The following CELF1 variants were observed in gnomAD, a reference collection of about 807,000 sequenced individuals.
The protein encoded by CELF1 is CUGBP Elav-like family member 1.
Under a neutral mutation model 61.8 loss-of-function variants are expected in CELF1, and 10 were observed. The ratio of observed to expected loss-of-function variants is 0.16; its 90% CI spans 0.10 to 0.27. The LOEUF (loss-of-function observed/expected upper bound fraction) is 0.27. Ranked by LOEUF, CELF1 falls within the 10% of genes least tolerant of loss-of-function variation. The pLI is 1.00. For missense variants in CELF1, 380 were observed against 639.1 expected (o/e 0.59, Z 4.37); for synonymous variants, 236 against 225.1 (o/e 1.05, Z -0.43).
At chr11:47,555,228 G>T (rs900243783), upstream of CELF1, among the ~76,000 whole-genome samples, 1 of 152,132 alleles carries the variant, frequency 6.6e-6, no homozygotes, top group African/African-American at 2.4e-5. Context: ...AGCTAAATAA[G>T]GAAAGGCACC....
chr11:47,531,663 A>G (rs2096481510), intron 1 of CELF1, among the ~76,000 whole-genome samples: 1 of 152,246 alleles, frequency 6.6e-6, no homozygotes, highest in Non-Finnish European at 1.5e-5. Context: ...AAACAATGAC[A>G]AAAGCATTCG....
rs2077316067 is a variant in CELF1, at chr11:47,469,922, A to T, written c.*2308T>A. On this transcript the variant is annotated 3_prime_UTR_variant, in exon 15 of 15. Coordinates refer to ENST00000687097, the MANE Select transcript of CELF1 (RefSeq NM_001376376.1). ...AGAGAAGAAGGGGATGTGGGAAGGGAGTGGCGTTCTGGCTAAGGAGGAAGA... is the reference window on the plus strand; with the variant it reads ...AGAGAAGAAGGGGATGTGGGAAGGGTGTGGCGTTCTGGCTAAGGAGGAAGA... 6.6e-6 allele frequency: 1 copy of T among 152,324 alleles called. No individual in the cohort carries two copies. The highest frequency in any genetic ancestry group is 1.5e-5 in the Non-Finnish European group (1 of 68,144). The allele number at this position is 152,324 out of a possible 1,614,324, so 9.4% of individuals were successfully genotyped here.
rs1491576509 is a variant in CELF1, at chr11:47,481,094, TTC to T, written c.768+1599_768+1600del. On this transcript the variant is annotated intron_variant, in intron 9 of 14. Coordinates refer to ENST00000687097, the MANE Select transcript of CELF1 (RefSeq NM_001376376.1). The stretch of plus-strand genomic sequence containing the variant: ...GGATAAACTGGGGTTTTTTTTTTTT[TTC>T]TTCTTCTTTTTTTTTTTTTTTTTTT... Among the ~76,000 whole-genome samples, 67 of 91,734 alleles carry T rather than the reference TTC, an allele frequency of 7.3e-4. 1 individual carries two copies. The highest frequency in any genetic ancestry group is 3.2e-3 in the East Asian group (11 of 3,438). 60.2% of individuals were successfully genotyped at this position (91,734 alleles called of 152,430 possible).
Position 47,477,378 on chromosome 11 carries a change from C to G in CELF1, c.892G>C (p.Ala298Pro). ...LQNLAALAAAASAAQNTPSGT... is the reference protein window; with the variant it reads ...LQNLAALAAAPSAAQNTPSGT... ...CTTGGTGTGTTCTGAGCTGCACTAG[C>G]TGCAGCAGCTAGTGCAGCCAAATTC... Residue 298 changes from alanine to proline, a missense_variant, in exon 11 of 15, where the codon GCT becomes CCT. Ala to Pro is a conservative substitution (Grantham distance 27). Coordinates refer to ENST00000687097, the MANE Select transcript of CELF1 (RefSeq NM_001376376.1). 4 of 1,612,768 alleles carry G rather than the reference C, an allele frequency of 2.5e-6. No homozygotes were observed. Among genetic ancestry groups the G allele is most frequent in the Non-Finnish European group, 3.4e-6 (4 of 1,178,780 alleles).
At chr11:47,477,486 A>G in intron 10 of CELF1, 61 bp from the exon 11 acceptor site, 1 of 1,576,566 alleles carries the variant, frequency 6.3e-7, no homozygotes, top group Non-Finnish European at 8.7e-7. Context: ...CCATTCCAGC[A>G]ATGACAAGCA....
At chr11:47,481,099 CTTCTTTTTTTTTT>C (rs2082905559) in intron 9 of CELF1, among the ~76,000 whole-genome samples, 2 of 62,318 alleles carry the variant, frequency 3.2e-5, no homozygotes, top group Admixed American at 4.4e-4. Context: ...TTTTTTTCTT[CTTCTTTTTTTTTT>C]TTTTTTTTTT....
intron 4 of CELF1, among the ~76,000 whole-genome samples, chr11:47,488,428 C>T (rs114962404): frequency 8.7e-4 from 132 of 152,334 alleles, no homozygotes; most frequent in African/African-American, 3.2e-3. Flanking sequence ...TCTCCTTCAG[C>T]TTATGCTAGC....
chr11:47,535,907 C>T (rs1294200465), intron 1 of CELF1, among the ~76,000 whole-genome samples: 1 of 151,608 alleles, frequency 6.6e-6, no homozygotes, highest in Non-Finnish European at 1.5e-5. Flanking sequence ...GGATTACAGG[C>T]GTGTGCCACC....
chr11:47,495,299 G>A (rs1483715271), intron 3 of CELF1, among the ~76,000 whole-genome samples: 1 of 152,164 alleles, frequency 6.6e-6, no homozygotes, highest in Non-Finnish European at 1.5e-5. Flanking sequence ...AGGCCACATA[G>A]TATATGTTAC....
intron 1 of CELF1, 138 bp from the exon 2 acceptor site, chr11:47,501,070 C>G (rs1437326227): frequency 2.5e-6 from 1 of 395,390 alleles, no homozygotes; most frequent in East Asian, 3.6e-5. Flanking sequence ...TGCACCTGAC[C>G]CAGGAAGGTG....
intron 3 of CELF1, among the ~76,000 whole-genome samples, chr11:47,498,522 T>C (rs1182782097): frequency 6.6e-6 from 1 of 152,236 alleles, no homozygotes; most frequent in East Asian, 1.9e-4. Flanking sequence ...TAGACTGATT[T>C]GCACATGGAG....
intron 1 of CELF1, among the ~76,000 whole-genome samples, chr11:47,502,628 C>T (rs1219774434): frequency 3.3e-5 from 5 of 151,938 alleles, no homozygotes; most frequent in African/African-American, 4.8e-5. Context: ...GTCAGGAGAT[C>T]GAGACCATCC....
chr11:47,489,955 T>TTTTTTTTTTTTTTTTTTTTTG (rs71042675), intron 3 of CELF1, among the ~76,000 whole-genome samples: 1 of 141,374 alleles, frequency 7.1e-6, no homozygotes. Context: ...TTTTTTTTTT[T>TTTTTTTTTTTTTTTTTTTTTG]GAGACGGAAT....
At position 47,477,396 on chromosome 11, in the gene CELF1, C is replaced by T; in HGVS notation, c.874G>A (p.Ala292Thr). ...GLNAMQLQNL[A>T]ALAAAASAAQ... is the part of the protein sequence containing the mutation. ...GCACTAGCTGCAGCAGCTAGTGCAGCCAAATTCTGTAACTGCATTGCATTC... is the reference window on the plus strand; with the variant it reads ...GCACTAGCTGCAGCAGCTAGTGCAGTCAAATTCTGTAACTGCATTGCATTC... Residue 292 changes from alanine (A) to threonine (T), a missense_variant, in exon 11 of 15, where the codon GCT becomes ACT. By Grantham distance (58) the Ala-to-Thr change is moderately conservative. Transcript: ENST00000687097. 1 of 1,612,118 alleles carries T rather than the reference C, an allele frequency of 6.2e-7. No individual in the cohort carries two copies. Among genetic ancestry groups the T allele is most frequent in the Non-Finnish European group, 8.5e-7 (1 of 1,178,744 alleles).
chr11:47,510,363 G>T (rs1294559950), intron 1 of CELF1, among the ~76,000 whole-genome samples: 2 of 152,178 alleles, frequency 1.3e-5, no homozygotes, highest in Non-Finnish European at 2.9e-5. Flanking sequence ...CACTGACTCA[G>T]TCACCATCAG....
intron 1 of CELF1, among the ~76,000 whole-genome samples, chr11:47,549,131 A>G (rs936844725): frequency 6.6e-6 from 1 of 152,214 alleles, no homozygotes; most frequent in Non-Finnish European, 1.5e-5. Context: ...GGATGTAGAG[A>G]AACTGGAACC....
At chr11:47,550,798 G>C (rs1017368830) in intron 1 of CELF1, among the ~76,000 whole-genome samples, 1 of 151,974 alleles carries the variant, frequency 6.6e-6, no homozygotes, top group Non-Finnish European at 1.5e-5. Flanking sequence ...ATTACATCAT[G>C]GGTATTTCAC....
At chr11:47,537,872 C>T (rs189628003) in intron 1 of CELF1, among the ~76,000 whole-genome samples, 1 of 152,004 alleles carries the variant, frequency 6.6e-6, no homozygotes, top group Non-Finnish European at 1.5e-5. Flanking sequence ...GTACGATACA[C>T]ACAACACATA....
At chr11:47,559,151 A>G (rs1288556009) in intron 2 of CELF1, among the ~76,000 whole-genome samples, 2 of 149,370 alleles carry the variant, frequency 1.3e-5, no homozygotes, top group Non-Finnish European at 3.0e-5. Flanking sequence ...GCTGGAGTGC[A>G]GTGGCGCAAT....
Sources: allele counts gnomAD v4.1 joint callset (sites outside exome capture counted in the v4.1 genomes callset), GRCh38; gene constraint gnomAD v4.1.1; transcripts MANE v1.5; gene names NCBI Gene and HGNC (gene_info 2026-07-23, HGNC 2026-07-21).